GRHL2: variants seen among roughly 807,000 people sequenced by gnomAD.
The protein encoded by GRHL2 is grainyhead-like protein 2 homolog.
A neutral mutation model predicts 83.8 loss-of-function variants in GRHL2; 21 were observed. That is an observed-to-expected ratio of 0.25 (90% CI 0.18 to 0.36). GRHL2 has a LOEUF of 0.36. Ranked by LOEUF, GRHL2 falls within the 10% of genes least tolerant of loss-of-function variation. GRHL2 has a pLI of 1.00. For missense variants in GRHL2, 623 were observed against 781.8 expected, an observed-to-expected ratio of 0.80 and a Z score of 2.42; for synonymous variants, 280 against 278.9, an observed-to-expected ratio of 1.00 and a Z score of -0.04.
In GRHL2 at chr8:101,599,231, T is replaced by A. The variant is rs368159535; in HGVS notation, c.1098+80T>A. 1.2e-4 allele frequency: 112 copies of A among 912,424 alleles called. 2 individuals carry two copies. The South Asian group carries it at 1.5e-3, about 12-fold the overall frequency. 56.5% of individuals were successfully genotyped at this position (912,424 alleles called of 1,614,324 possible). A position where few individuals can be genotyped will look rare whatever the true frequency, so the allele number is the denominator to read the frequency against. ...GTTTATTCTTTTTTAAAAGCCTGTA[T>A]CAGTAGCCTCCTATTAAAAAGAAAT... On this transcript the variant is annotated intron_variant, in intron 8 of 15. Transcript: ENST00000646743.
chr8:101,607,308 G>A (rs997678386), intron 8 of GRHL2, among the ~76,000 whole-genome samples: 5 of 152,202 alleles, frequency 3.3e-5, no homozygotes, highest in African/African-American at 1.2e-4. Flanking sequence ...AAGGAGAAGG[G>A]AAGATGTGTA....
intron 1 of GRHL2, among the ~76,000 whole-genome samples, chr8:101,527,321 C>T (rs186960039): frequency 1.1e-4 from 17 of 152,260 alleles, no homozygotes; most frequent in Non-Finnish European, 1.6e-4. Flanking sequence ...ACTCTCCTTA[C>T]GTACAAAGCA....
chr8:101,512,393 T>A (rs1033408286), intron 1 of GRHL2, among the ~76,000 whole-genome samples: 1 of 152,260 alleles, frequency 6.6e-6, no homozygotes. Context: ...ACTTTTATTA[T>A]ATTTACTTTT....
At chr8:101,655,212 C>A (rs147059112) in intron 14 of GRHL2, among the ~76,000 whole-genome samples, 1 of 152,026 alleles carries the variant, frequency 6.6e-6, no homozygotes, top group Non-Finnish European at 1.5e-5. Context: ...AAGGAAGTCT[C>A]CCTGTAAGAG....
chr8:101,509,109 C>CTTT (rs1187840879), intron 1 of GRHL2, among the ~76,000 whole-genome samples: 1 of 42,162 alleles, frequency 2.4e-5, no homozygotes, highest in Non-Finnish European at 5.5e-5. Context: ...TTCTTTCTCT[C>CTTT]CTTCCTTCCT....
chr8:101,541,034 T>TTTG (rs776591259), intron 1 of GRHL2, among the ~76,000 whole-genome samples: 2 of 152,068 alleles, frequency 1.3e-5, no homozygotes, highest in African/African-American at 2.4e-5. Context: ...GTATTTGTTT[T>TTTG]TTGTTGTTGT....
intron 3 of GRHL2, among the ~76,000 whole-genome samples, chr8:101,557,416 G>T (rs1478295450): frequency 6.6e-6 from 1 of 151,858 alleles, no homozygotes; most frequent in African/African-American, 2.4e-5. Context: ...TAGAGATGGG[G>T]TTTCACCATT....
chr8:101,666,510 C>T, intron 15 of GRHL2, 79 bp from the exon 16 acceptor site: 2 of 823,452 alleles, frequency 2.4e-6, no homozygotes, highest in South Asian at 2.8e-5. Context: ...ACGAGAACCC[C>T]CAGCCTGGAG....
At chr8:101,514,623 G>A (rs962478997) in intron 1 of GRHL2, among the ~76,000 whole-genome samples, 2 of 152,218 alleles carry the variant, frequency 1.3e-5, no homozygotes, top group African/African-American at 4.8e-5. Flanking sequence ...CTGCAGCTGG[G>A]CCCATGGGCA....
chr8:101,643,998 G>A, intron 12 of GRHL2, 133 bp from the exon 13 acceptor site: 2 of 754,064 alleles, frequency 2.7e-6, no homozygotes, highest in Non-Finnish European at 2.3e-6. Flanking sequence ...GAAGAAGGAG[G>A]TTGGTGAGTA....
At chr8:101,644,249 C>T in intron 13 of GRHL2, 24 bp downstream of exon 13, 1 of 1,585,598 alleles carries the variant, frequency 6.3e-7, no homozygotes, top group African/African-American at 1.3e-5. Context: ...TGGGGCATGC[C>T]CTCTCAGAAG....
chr8:101,597,355 A>G (rs1183801855), intron 7 of GRHL2, among the ~76,000 whole-genome samples: 2 of 152,174 alleles, frequency 1.3e-5, no homozygotes, highest in African/African-American at 4.8e-5. Context: ...GCATGCAACT[A>G]TGCTGCTATA....
chr8:101,500,817 G>T (rs1281482282), intron 1 of GRHL2, among the ~76,000 whole-genome samples: 3 of 150,262 alleles, frequency 2.0e-5, no homozygotes, highest in Non-Finnish European at 4.4e-5. Context: ...GACCGAAAGT[G>T]TGTTTTATGC....
intron 1 of GRHL2, among the ~76,000 whole-genome samples, chr8:101,537,297 G>A (rs1424071825): frequency 6.6e-6 from 1 of 152,214 alleles, no homozygotes; most frequent in Non-Finnish European, 1.5e-5. Flanking sequence ...TAAGAACAAT[G>A]ATGTAGAGAA....
intron 2 of GRHL2, among the ~76,000 whole-genome samples, chr8:101,547,995 T>A (rs190084408): frequency 8.1e-4 from 124 of 152,360 alleles, no homozygotes; most frequent in Non-Finnish European, 1.0e-3. Flanking sequence ...TATGTAACTT[T>A]ATTTTCCTCT....
At chr8:101,561,390 A>G (rs187484679) in intron 4 of GRHL2, among the ~76,000 whole-genome samples, 13 of 152,316 alleles carry the variant, frequency 8.5e-5, no homozygotes, top group Admixed American at 3.3e-4. Context: ...ATTCTAGACT[A>G]TAGTGTCATT....
chr8:101,593,542 A>G (rs1361813918), intron 7 of GRHL2, among the ~76,000 whole-genome samples: 1 of 152,190 alleles, frequency 6.6e-6, no homozygotes, highest in African/African-American at 2.4e-5. Flanking sequence ...TATCATTGCA[A>G]AAAGAAGCCA....
chr8:101,677,837 G>C, the GRHL2 span, among the ~76,000 whole-genome samples: 2 of 152,064 alleles, frequency 1.3e-5, no homozygotes, highest in Admixed American at 6.5e-5. Context: ...CTAAGTCCTG[G>C]ACATGTGGTC....
intron 4 of GRHL2, chr8:101,562,429 C>T (rs866578220): frequency 2.8e-5 from 15 of 536,966 alleles, no homozygotes; most frequent in African/African-American, 1.5e-4. Flanking sequence ...TGTGGACAAA[C>T]GTCATGCCGT....
Sources: allele counts gnomAD v4.1 joint callset (sites outside exome capture counted in the v4.1 genomes callset), GRCh38; gene constraint gnomAD v4.1.1; transcripts MANE v1.5; gene names NCBI Gene and HGNC (gene_info 2026-07-23, HGNC 2026-07-21).